VGLL4: variants seen among roughly 807,000 people sequenced by gnomAD.
VGLL4 encodes vestigial like family member 4.
Under a neutral mutation model 21.0 loss-of-function variants are expected in VGLL4, and 7 were observed. The observed-to-expected ratio is 0.33, with a 90% confidence interval of 0.19 to 0.63. The LOEUF is 0.63. Ranked by LOEUF, VGLL4 falls within the 20% of genes least tolerant of loss-of-function variation. The pLI is 0.78. For synonymous variants in VGLL4, 222 were observed against 173.2 expected, an observed-to-expected ratio of 1.28 and a Z score of -2.21; for missense variants, 394 against 425.7, an observed-to-expected ratio of 0.93 and a Z score of 0.66.
intron 2 of VGLL4, among the ~76,000 whole-genome samples, chr3:11,675,402 C>T (rs1002538183): frequency 2.0e-5 from 3 of 151,984 alleles, no homozygotes; most frequent in African/African-American, 7.3e-5. Flanking sequence ...CAGGCATGAA[C>T]TATGCGTGAT....
At chr3:11,711,221 A>C (rs1408387965) in intron 1 of VGLL4, among the ~76,000 whole-genome samples, 1 of 152,008 alleles carries the variant, frequency 6.6e-6, no homozygotes, top group Non-Finnish European at 1.5e-5. Flanking sequence ...CCTGGGCAAC[A>C]TGGCAAAACC....
chr3:11,705,853 G>A (rs1052689733), intron 1 of VGLL4, among the ~76,000 whole-genome samples: 52 of 152,130 alleles, frequency 3.4e-4, no homozygotes, highest in African/African-American at 1.2e-3. Flanking sequence ...CCCGCGAGGC[G>A]GAGCTTGCAG....
chr3:11,559,656 GC>G (rs2072787288), intron 3 of VGLL4, among the ~76,000 whole-genome samples: 1 of 152,234 alleles, frequency 6.6e-6, no homozygotes, highest in Non-Finnish European at 1.5e-5. Context: ...GTGTGTAGTG[GC>G]CCTTGGTCGT....
chr3:11,574,991 T>C (rs572408982), intron 2 of VGLL4, among the ~76,000 whole-genome samples: 75 of 151,894 alleles, frequency 4.9e-4, no homozygotes, highest in African/African-American at 1.7e-3. Flanking sequence ...TTGGGGAGGA[T>C]GAAAGAATAA....
At chr3:11,671,196 AAATT>A (rs1434298824) in intron 2 of VGLL4, 29 of 1,525,066 alleles carry the variant, frequency 1.9e-5, no homozygotes, top group Non-Finnish European at 2.4e-5. Context: ...ACTATTTTGC[AAATT>A]AATTAATTTC....
intron 2 of VGLL4, among the ~76,000 whole-genome samples, chr3:11,658,372 A>G (rs934356667): frequency 6.6e-6 from 1 of 152,040 alleles, no homozygotes; most frequent in Non-Finnish European, 1.5e-5. Flanking sequence ...CTGCTTCCAA[A>G]GTACAAGCTA....
intron 2 of VGLL4, among the ~76,000 whole-genome samples, chr3:11,688,713 T>C (rs1362299777): frequency 6.6e-6 from 1 of 152,210 alleles, no homozygotes; most frequent in Admixed American, 6.5e-5. Flanking sequence ...TATTGGCTTA[T>C]CTTCATTTAT....
At chr3:11,631,629 T>C (rs2075480364) in intron 1 of VGLL4, among the ~76,000 whole-genome samples, 1 of 152,188 alleles carries the variant, frequency 6.6e-6, no homozygotes, top group South Asian at 2.1e-4. Context: ...TGTGACATTT[T>C]TGGGTTTGAG....
intron 2 of VGLL4, among the ~76,000 whole-genome samples, chr3:11,592,659 T>A (rs1294409113): frequency 2.0e-5 from 3 of 152,214 alleles, no homozygotes; most frequent in Non-Finnish European, 4.4e-5. Flanking sequence ...ATATGTGTGC[T>A]ATTAGCATAA....
chr3:11,575,224 G>A (rs1227785623), intron 2 of VGLL4, among the ~76,000 whole-genome samples: 1 of 152,194 alleles, frequency 6.6e-6, no homozygotes, highest in Non-Finnish European at 1.5e-5. Flanking sequence ...TGTGGTGCGA[G>A]AGGGAAGGCG....
intron 2 of VGLL4, among the ~76,000 whole-genome samples, chr3:11,573,145 G>A (rs1315300081): frequency 6.6e-6 from 1 of 151,016 alleles, no homozygotes; most frequent in Admixed American, 6.6e-5. Context: ...CAACCTGGGT[G>A]ACAGGGCAAG....
chr3:11,712,999 T>C (rs987369960), intron 1 of VGLL4, among the ~76,000 whole-genome samples: 15 of 152,120 alleles, frequency 9.9e-5, no homozygotes, highest in Admixed American at 2.6e-4. Flanking sequence ...TGGCCAACAA[T>C]GACACCGGCA....
At chr3:11,625,603 G>A (rs1422455124) in intron 1 of VGLL4, among the ~76,000 whole-genome samples, 1 of 152,132 alleles carries the variant, frequency 6.6e-6, no homozygotes, top group Non-Finnish European at 1.5e-5. Context: ...CAAACAAAAT[G>A]GCATGTTTTT....
intron 1 of VGLL4, among the ~76,000 whole-genome samples, chr3:11,616,266 C>A (rs569625400): frequency 6.6e-6 from 1 of 152,138 alleles, no homozygotes. Context: ...AGAGTGCAAG[C>A]CTCACCTTCT....
chr3:11,561,249 G>A (rs2072971269), intron 3 of VGLL4, among the ~76,000 whole-genome samples: 1 of 152,192 alleles, frequency 6.6e-6, no homozygotes, highest in Admixed American at 6.5e-5. Context: ...CACAGGGAGG[G>A]GGAATCAAGG....
chr3:11,579,863 T>C (rs2074176768), intron 2 of VGLL4, among the ~76,000 whole-genome samples: 1 of 152,170 alleles, frequency 6.6e-6, no homozygotes, highest in Non-Finnish European at 1.5e-5. Context: ...AGGCACCAAA[T>C]ACTGTATTCC....
chr3:11,665,101 C>CTTTT lies in VGLL4; in HGVS notation c.64+37866_64+37869dup, dbSNP rs59999510. On this transcript the variant is annotated intron_variant, in intron 2 of 5. Transcript: ENST00000273038. ...AAATGAAAGCAATTTGAATATTTTT[C>CTTTT]TTTTTTTTTTTTTTTTTTTTTTTTT... 4.9e-3 allele frequency among the ~76,000 whole-genome samples: 478 copies of CTTTT among 96,940 alleles called. 69 individuals are homozygous for CTTTT. The highest frequency in any genetic ancestry group is 0.02 in the African/African-American group (405 of 20,500). 63.6% of individuals were successfully genotyped at this position (96,940 alleles called of 152,430 possible). A position where few individuals can be genotyped will look rare whatever the true frequency, so the allele number is the denominator to read the frequency against.
At chr3:11,602,200 A>T (rs2074822562) in intron 1 of VGLL4, among the ~76,000 whole-genome samples, 178 bp from the exon 2 acceptor site, 1 of 152,230 alleles carries the variant, frequency 6.6e-6, no homozygotes, top group Non-Finnish European at 1.5e-5. Flanking sequence ...TTAGCTGCCA[A>T]CCATGAGACA....
rs182118200 is a variant in VGLL4 at position 11,658,622 on chromosome 3, C to T, written c.64+44349G>A. Among the ~76,000 whole-genome samples, 66 of 114,842 alleles carry T rather than the reference C, an allele frequency of 5.7e-4. 1 individual carries two copies. The East Asian group carries it at 0.011, about 19-fold the overall frequency. The allele number at this position is 114,842 out of a possible 152,430, so 75.3% of individuals were successfully genotyped here. A position where few individuals can be genotyped will look rare whatever the true frequency, so the allele number is the denominator to read the frequency against. ...GGAAGGACACAGAGGAAACAGAATACGCGAACTATTCCTGGATCTTTCCTT... is the reference window on the plus strand; with the variant it reads ...GGAAGGACACAGAGGAAACAGAATATGCGAACTATTCCTGGATCTTTCCTT... On this transcript the variant is annotated intron_variant, in intron 2 of 5. Coordinates refer to the VGLL4 transcript ENST00000273038.
Sources: allele counts gnomAD v4.1 joint callset (sites outside exome capture counted in the v4.1 genomes callset), GRCh38; gene constraint gnomAD v4.1.1; transcripts MANE v1.5; gene names NCBI Gene and HGNC (gene_info 2026-07-23, HGNC 2026-07-21).